Variants in CDH13 observed in about 807,000 individuals in gnomAD.
The protein encoded by CDH13 is cadherin-13.
CDH13 carries 24 observed loss-of-function variants against 63.8 expected under a neutral mutation model. That is an observed-to-expected ratio of 0.38 (90% CI 0.27 to 0.53). CDH13 has a LOEUF of 0.53. CDH13 is among the 20% of genes least tolerant of loss of function. The pLI is 0.85. For synonymous variants in CDH13, 503 were observed against 355.3 expected (o/e 1.42, Z -4.67); for missense variants, 1,049 against 903.1 (o/e 1.16, Z -2.07).
chr16:83,236,430 A>C (rs370193768), intron 5 of CDH13, among the ~76,000 whole-genome samples: 1 of 152,224 alleles, frequency 6.6e-6, no homozygotes, highest in African/African-American at 2.4e-5. Context: ...AAAGCTCTTA[A>C]TAACATCCTA....
chr16:82,651,391 G>A (rs1910703921), intron 1 of CDH13, among the ~76,000 whole-genome samples: 1 of 152,124 alleles, frequency 6.6e-6, no homozygotes, highest in Admixed American at 6.5e-5. Flanking sequence ...CAGAAGCCTG[G>A]GAAAGACATT....
Position 82,920,592 on chromosome 16 carries a change from T to G in CDH13, c.157+62119T>G, listed in dbSNP as rs140662503. 7.4e-4 allele frequency among the ~76,000 whole-genome samples: 113 copies of G among 152,308 alleles called. 1 individual carries two copies. The East Asian group carries it at 8.9e-3, about 12-fold the overall frequency. Reference sequence around the variant, plus strand: ...CAGTTTCCTATGGAAAAGAAAAGAATGCTGTCTGGTGAGGCTGTCTCCACT... The same window carrying G: ...CAGTTTCCTATGGAAAAGAAAAGAAGGCTGTCTGGTGAGGCTGTCTCCACT... On this transcript the variant is annotated intron_variant, in intron 2 of 13. Transcript: ENST00000567109.
chr16:83,728,143 C>G (rs1345135614), intron 10 of CDH13, among the ~76,000 whole-genome samples: 1 of 152,174 alleles, frequency 6.6e-6, no homozygotes, highest in Non-Finnish European at 1.5e-5. Context: ...GCACCGCGGG[C>G]AGGCTTCAGA....
intron 2 of CDH13, among the ~76,000 whole-genome samples, chr16:82,968,481 T>C (rs964495442): frequency 1.3e-5 from 2 of 152,210 alleles, no homozygotes; most frequent in African/African-American, 4.8e-5. Context: ...AGCATACTCA[T>C]GGCCCTGCCA....
At chr16:83,560,899 G>GC (rs138383978) in intron 7 of CDH13, among the ~76,000 whole-genome samples, 63,720 of 148,402 alleles carry the variant, frequency 0.43, 14,565 homozygotes, top group Non-Finnish European at 0.53. Flanking sequence ...CATAAGGTTG[G>GC]CCCCCCCCCC....
intron 7 of CDH13, among the ~76,000 whole-genome samples, chr16:83,579,503 T>C (rs1641263746): frequency 6.6e-6 from 1 of 151,778 alleles, no homozygotes; most frequent in Non-Finnish European, 1.5e-5. Flanking sequence ...ACTACACACT[T>C]TTAAACAACC....
intron 2 of CDH13, among the ~76,000 whole-genome samples, chr16:82,900,009 C>G (rs1243444402): frequency 6.6e-6 from 1 of 152,170 alleles, no homozygotes; most frequent in African/African-American, 2.4e-5. Context: ...CTGGCTCTCC[C>G]ATGTCTCCCC....
At chr16:83,001,451 C>T (rs1912919874) in intron 2 of CDH13, among the ~76,000 whole-genome samples, 2 of 152,188 alleles carry the variant, frequency 1.3e-5, no homozygotes, top group Non-Finnish European at 1.5e-5. Flanking sequence ...CTTCCTGCTC[C>T]AATGGGCCAG....
chr16:83,493,840 T>G (rs542929153), intron 7 of CDH13, among the ~76,000 whole-genome samples: 1 of 152,336 alleles, frequency 6.6e-6, no homozygotes, highest in South Asian at 2.1e-4. Flanking sequence ...GGAGAGATCG[T>G]CAGTGGCAAA....
intron 10 of CDH13, chr16:83,735,932 G>A (rs1412161500): frequency 6.6e-6 from 1 of 152,020 alleles, no homozygotes; most frequent in Non-Finnish European, 1.5e-5. Flanking sequence ...GGAATGCAGG[G>A]AAAAAAGGGA....
At chr16:83,521,745 G>T (rs1428053930) in intron 7 of CDH13, among the ~76,000 whole-genome samples, 1 of 152,166 alleles carries the variant, frequency 6.6e-6, no homozygotes, top group Non-Finnish European at 1.5e-5. Context: ...TGCAACCTGG[G>T]TGCATGGAAC....
At chr16:83,130,011 C>T (rs1459022199) in intron 4 of CDH13, among the ~76,000 whole-genome samples, 9 of 152,150 alleles carry the variant, frequency 5.9e-5, no homozygotes, top group Admixed American at 5.9e-4. Flanking sequence ...GAGGGAAAAC[C>T]TCTGAAATTC....
At chr16:83,740,598 C>T (rs1911967793) in intron 10 of CDH13, among the ~76,000 whole-genome samples, 1 of 152,142 alleles carries the variant, frequency 6.6e-6, no homozygotes, top group Non-Finnish European at 1.5e-5. Flanking sequence ...ATGCCAGCTG[C>T]CATATGCCAG....
At chr16:83,320,776 C>A (rs1374693595) in intron 5 of CDH13, among the ~76,000 whole-genome samples, 1 of 152,138 alleles carries the variant, frequency 6.6e-6, no homozygotes, top group African/African-American at 2.4e-5. Context: ...AGAAAAAGCA[C>A]ACATCACCGT....
At chr16:83,072,727 G>T (rs887700573) in intron 3 of CDH13, among the ~76,000 whole-genome samples, 5 of 152,072 alleles carry the variant, frequency 3.3e-5, no homozygotes, top group African/African-American at 4.8e-5. Context: ...CCCACATTTT[G>T]CTCCCTTTTG....
intron 5 of CDH13, among the ~76,000 whole-genome samples, chr16:83,256,519 A>C (rs1017666374): frequency 6.6e-6 from 1 of 151,854 alleles, no homozygotes; most frequent in African/African-American, 2.4e-5. Flanking sequence ...AATGAAAAGG[A>C]TATGTTCCCT....
chr16:83,578,828 T>TCATTTCATTAGTGCTCACAACAATGC (rs1263292079), intron 7 of CDH13, among the ~76,000 whole-genome samples: 4 of 152,230 alleles, frequency 2.6e-5, no homozygotes, highest in Non-Finnish European at 5.9e-5. Context: ...CCTATGTGTA[T>TCATTTCATTAGTGCTCACAACAATGC]CATTTCATTA....
chr16:83,716,327 C>T (rs951608439), intron 10 of CDH13, among the ~76,000 whole-genome samples: 23 of 152,152 alleles, frequency 1.5e-4, no homozygotes, highest in Admixed American at 1.5e-3. Context: ...TTGGAAATCC[C>T]GTGGGTTTGG....
At chr16:83,114,763 T>A (rs938765077) in intron 3 of CDH13, among the ~76,000 whole-genome samples, 1 of 152,204 alleles carries the variant, frequency 6.6e-6, no homozygotes, top group Non-Finnish European at 1.5e-5. Flanking sequence ...GTAGGCAAAC[T>A]TCAGCCCCAG....
Sources: allele counts gnomAD v4.1 joint callset (sites outside exome capture counted in the v4.1 genomes callset), GRCh38; gene constraint gnomAD v4.1.1; transcripts MANE v1.5; gene names NCBI Gene and HGNC (gene_info 2026-07-23, HGNC 2026-07-21).